LYPLAL1: variants seen among roughly 807,000 people sequenced by gnomAD.
LYPLAL1 encodes lysophospholipase like 1, also known as lysophospholipase-like protein 1.
A neutral mutation model predicts 19.7 loss-of-function variants in LYPLAL1; 23 were observed. The ratio of observed to expected loss-of-function variants is 1.17; its 90% confidence interval spans 0.84 to 1.65. The LOEUF is 1.65. Among genes scored for constraint, LYPLAL1 ranks in the 40% most tolerant of loss-of-function variants. The probability of loss-of-function intolerance (pLI) is 0.00; values close to 1 mark genes in which losing one functional copy is unlikely to be tolerated. For missense variants in LYPLAL1, 355 were observed against 279.4 expected (o/e 1.27, Z -1.93); for synonymous variants, 119 against 96.3 (o/e 1.24, Z -1.38).
At chr1:219,277,223 A>T in the LYPLAL1 span, among the ~76,000 whole-genome samples, 18 of 152,176 alleles carry the variant, frequency 1.2e-4, no homozygotes, top group Non-Finnish European at 2.2e-4. Context: ...TTAATTTTAC[A>T]AGGGGTCATG....
chr1:219,393,533 C>A, the LYPLAL1 span, among the ~76,000 whole-genome samples: 1 of 152,018 alleles, frequency 6.6e-6, no homozygotes, highest in Non-Finnish European at 1.5e-5. Context: ...TTGGTTAAGA[C>A]AAGACTGGCT....
the LYPLAL1 span, among the ~76,000 whole-genome samples, chr1:219,309,698 G>A: frequency 0.096 from 14,529 of 152,102 alleles, 775 homozygotes; most frequent in African/African-American, 0.11. Flanking sequence ...AATGCCTTTT[G>A]CCTTCTGCCA....
chr1:219,286,972 C>T, the LYPLAL1 span, among the ~76,000 whole-genome samples: 1 of 152,200 alleles, frequency 6.6e-6, no homozygotes, highest in Non-Finnish European at 1.5e-5. Flanking sequence ...AAGGAGGACA[C>T]ACAATGAGAG....
the LYPLAL1 span, among the ~76,000 whole-genome samples, chr1:219,310,213 G>A: frequency 7.2e-5 from 11 of 152,190 alleles, no homozygotes; most frequent in African/African-American, 2.4e-4. Flanking sequence ...CACACTGAAA[G>A]GGAGGGAATG....
intron 2 of LYPLAL1, among the ~76,000 whole-genome samples, chr1:219,188,472 C>CTAA (rs1299600737): frequency 6.6e-6 from 1 of 151,532 alleles, no homozygotes; most frequent in Admixed American, 6.6e-5. Flanking sequence ...AGCCACTCAA[C>CTAA]TAATAATAAG....
chr1:219,386,955 C>T, the LYPLAL1 span, among the ~76,000 whole-genome samples: 1 of 152,180 alleles, frequency 6.6e-6, no homozygotes, highest in Non-Finnish European at 1.5e-5. Context: ...AACAAATATT[C>T]CTGTATCTAT....
the LYPLAL1 span, among the ~76,000 whole-genome samples, chr1:219,345,037 A>G: frequency 6.6e-6 from 1 of 152,326 alleles, no homozygotes; most frequent in Admixed American, 6.5e-5. Flanking sequence ...TCCTAATCAT[A>G]ATAGTCAGAA....
the LYPLAL1 span, among the ~76,000 whole-genome samples, chr1:219,242,633 G>C: frequency 6.6e-6 from 1 of 151,808 alleles, no homozygotes; most frequent in South Asian, 2.1e-4. Context: ...TATTGGTTGG[G>C]AGTATGTAGT....
chr1:219,233,142 A>C, the LYPLAL1 span, among the ~76,000 whole-genome samples: 1 of 152,230 alleles, frequency 6.6e-6, no homozygotes, highest in African/African-American at 2.4e-5. Flanking sequence ...TGAATGGATA[A>C]ACACAATGTG....
the LYPLAL1 span, among the ~76,000 whole-genome samples, chr1:219,387,247 A>G: frequency 2.0e-5 from 3 of 152,200 alleles, no homozygotes; most frequent in Non-Finnish European, 4.4e-5. Context: ...ATTAATGTTC[A>G]TATTGCATTT....
the LYPLAL1 span, among the ~76,000 whole-genome samples, chr1:219,441,498 G>T: frequency 6.6e-6 from 1 of 152,114 alleles, no homozygotes; most frequent in Non-Finnish European, 1.5e-5. Flanking sequence ...GTATATGGAG[G>T]CTTATTATGC....
At position 219,212,447 on chromosome 1, in the gene LYPLAL1, A is replaced by C. The variant is rs941722689; in HGVS notation, c.*719A>C. The C allele has an allele frequency of 2.6e-5, 4 of 152,062 alleles. No individual in the cohort carries two copies. The highest frequency in any genetic ancestry group is 9.7e-5 in the African/African-American group (4 of 41,432). The allele number at this position is 152,062 out of a possible 1,614,324, so 9.4% of individuals were successfully genotyped here. A position where few individuals can be genotyped will look rare whatever the true frequency, so the allele number is the denominator to read the frequency against. On this transcript the variant is annotated 3_prime_UTR_variant, in exon 5 of 5. Transcript: ENST00000366928. ...AAAAGCCAATACATAATAAACACTC[A>C]ATAAAGATTAACCATAAGGAGAGTC...
intron 1 of LYPLAL1, among the ~76,000 whole-genome samples, chr1:219,176,620 G>A (rs1023518022): frequency 1.3e-5 from 2 of 152,076 alleles, no homozygotes; most frequent in African/African-American, 4.8e-5. Flanking sequence ...CCTCTACCTG[G>A]CCATTAATGA....
the LYPLAL1 span, among the ~76,000 whole-genome samples, chr1:219,381,204 G>A: frequency 5.3e-5 from 8 of 152,094 alleles, no homozygotes; most frequent in African/African-American, 1.9e-4. Flanking sequence ...GAGATCCGAT[G>A]GTTTTATAAA....
At chr1:219,314,600 G>A in the LYPLAL1 span, among the ~76,000 whole-genome samples, 62,684 of 151,848 alleles carry the variant, frequency 0.41, 13,580 homozygotes, top group Non-Finnish European at 0.48. Context: ...GACCACCACC[G>A]CGCCCAGCTA....
chr1:219,254,057 T>C, the LYPLAL1 span, among the ~76,000 whole-genome samples: 2 of 152,096 alleles, frequency 1.3e-5, no homozygotes, highest in Non-Finnish European at 2.9e-5. Context: ...TTTTTGGATC[T>C]TTGTGGCTTT....
chr1:219,291,689 G>A, the LYPLAL1 span, among the ~76,000 whole-genome samples: 16 of 152,068 alleles, frequency 1.1e-4, no homozygotes, highest in African/African-American at 3.9e-4. Context: ...TCTCTATTTA[G>A]GTGCCAAGTT....
At chr1:219,278,019 G>A in the LYPLAL1 span, among the ~76,000 whole-genome samples, 3 of 152,144 alleles carry the variant, frequency 2.0e-5, no homozygotes, top group African/African-American at 4.8e-5. Flanking sequence ...AGTTCAAACC[G>A]ATCACAATTT....
the LYPLAL1 span, among the ~76,000 whole-genome samples, chr1:219,297,221 T>G: frequency 6.6e-6 from 1 of 152,232 alleles, no homozygotes; most frequent in Admixed American, 6.5e-5. Context: ...CAAAAACACA[T>G]AGGATTAACA....
Sources: gnomAD v4.1 joint callset for allele counts (sites outside exome capture counted in the v4.1 genomes callset) on GRCh38, gnomAD v4.1.1 for gene constraint, MANE v1.5 for transcripts, NCBI Gene and HGNC (gene_info 2026-07-23, HGNC 2026-07-21) for gene names.